ENDOU: variants seen among roughly 807,000 people sequenced by gnomAD.
The protein encoded by ENDOU is endonuclease, poly(U) specific.
In ENDOU, 49 loss-of-function variants were observed where a neutral mutation model predicts 54.2. The observed-to-expected ratio is 0.90, with a 90% CI of 0.72 to 1.15. The LOEUF (loss-of-function observed/expected upper bound fraction) is 1.15, where lower values mean the gene tolerates loss of function less well. Among genes scored for constraint, ENDOU ranks in the 50% most tolerant of loss-of-function variants. ENDOU has a pLI of 0.00. For synonymous variants in ENDOU, 172 were observed against 190.5 expected, an observed-to-expected ratio of 0.90 and a Z score of 0.80; for missense variants, 458 against 511.4, an observed-to-expected ratio of 0.90 and a Z score of 1.01.
Position 47,710,920 on chromosome 12 carries a change from C to T in ENDOU, c.1116-1G>A. 1 of 1,604,288 alleles carries T rather than the reference C, an allele frequency of 6.2e-7. No individual in the cohort carries two copies. Among genetic ancestry groups the T allele is most frequent in the Non-Finnish European group, 8.5e-7 (1 of 1,171,686 alleles). On this transcript the variant is annotated splice_acceptor_variant, in intron 9 of 9. Coordinates refer to ENST00000422538, the MANE Select transcript of ENDOU (RefSeq NM_001172439.2). LOFTEE classifies it high-confidence loss of function. ...ATATCCTCCCAGGCTTAACTGGCAC[C>T]TGTGGGGAAAGAGCCTGAAATCAGA...
chr12:47,715,511 C>T (rs1395049092), intron 6 of ENDOU, among the ~76,000 whole-genome samples: 1 of 152,206 alleles, frequency 6.6e-6, no homozygotes, highest in African/African-American at 2.4e-5. Flanking sequence ...GCAACTTCTT[C>T]ATAGAGTCAC....
intron 2 of ENDOU, 148 bp downstream of exon 2, chr12:47,720,605 T>C: frequency 1.3e-6 from 1 of 768,594 alleles, no homozygotes; most frequent in Non-Finnish European, 1.9e-6. Flanking sequence ...GGTGGCCAAA[T>C]TCCTGACCCT....
chr12:47,721,258 A>T (rs1245711045), intron 1 of ENDOU, among the ~76,000 whole-genome samples: 4 of 152,042 alleles, frequency 2.6e-5, no homozygotes, highest in Non-Finnish European at 5.9e-5. Context: ...GATTGTGGCC[A>T]TGTTGGGATG....
At position 47,716,397 on chromosome 12, in the gene ENDOU, G is replaced by A. The variant is rs1258437664; in HGVS notation, c.654C>T (p.His218=). 2 of 1,614,200 alleles carry A rather than the reference G, an allele frequency of 1.2e-6. No homozygotes were observed. ...GCTCGGCCAGCTCCTGGGCACTGAA[G>A]TGCTCCCCATGGCCTGTTGCCCGCT... ...NYQRATGHGE[H]FSAQELAEQD... is the part of the protein sequence containing the mutation. The change falls in exon 6 of 10, where the codon CAC becomes CAT. Residue 218 remains histidine, a synonymous_variant. Coordinates refer to ENST00000422538, the MANE Select transcript of ENDOU (RefSeq NM_001172439.2).
At chr12:47,715,359 T>C (rs561617305) in intron 6 of ENDOU, among the ~76,000 whole-genome samples, 1 of 152,324 alleles carries the variant, frequency 6.6e-6, no homozygotes, top group South Asian at 2.1e-4. Flanking sequence ...CCAGCTCCGC[T>C]TCCAACTCAT....
In ENDOU at chr12:47,717,063, G is replaced by A. The variant is rs777093153; in HGVS notation, c.383-5C>T. 6.2e-6 allele frequency: 10 copies of A among 1,613,790 alleles called. No homozygotes were observed. The highest frequency in any genetic ancestry group is 8.5e-6 in the Non-Finnish European group (10 of 1,179,892). ...CATCACTGCTGTGGGAGACCTCTGG[G>A]AGGAATTGGAAGAGGGGTGGCCTCA... On this transcript the variant is annotated splice_polypyrimidine_tract_variant and splice_region_variant and intron_variant, in intron 4 of 9. Transcript: ENST00000422538.
intron 6 of ENDOU, 91 bp downstream of exon 6, chr12:47,716,209 C>T (rs1320476090): frequency 3.1e-6 from 4 of 1,271,262 alleles, no homozygotes; most frequent in Admixed American, 1.7e-5. Context: ...CCACCGCCTC[C>T]TCACCTGCCC....
In ENDOU at chr12:47,716,499, T is replaced by C. The variant is rs745507991; in HGVS notation, c.552A>G (p.Pro184=). 5.0e-6 allele frequency: 8 copies of C among 1,612,706 alleles called. No individual in the cohort carries two copies. In the South Asian group the frequency reaches 6.6e-5, roughly 13 times the overall value. The part of the protein sequence containing the change: ...TRNQVDRCPK[P]LFTYVNEKLF... Reference sequence around the variant, plus strand: ...GCTTCTCATTGACATAAGTGAAGAGTCTGGGGGAGGCAGAGGGGAGCCCCA... The same window carrying C: ...GCTTCTCATTGACATAAGTGAAGAGCCTGGGGGAGGCAGAGGGGAGCCCCA... Residue 184 remains proline (P), a splice_region_variant and synonymous_variant, in exon 6 of 10, where the codon CCA becomes CCG. Transcript: ENST00000422538.
At chr12:47,720,470 T>G (rs2136686973) in intron 2 of ENDOU, 2 of 289,572 alleles carry the variant, frequency 6.9e-6, no homozygotes, top group Middle Eastern at 1.9e-3. Context: ...CATTTTACCC[T>G]TTTTTAGAAT....
At chr12:47,722,428 G>T (rs536162432) in intron 1 of ENDOU, among the ~76,000 whole-genome samples, 98 of 152,276 alleles carry the variant, frequency 6.4e-4, no homozygotes, top group African/African-American at 2.2e-3. Context: ...TGTAAAAGTG[G>T]GATGATAATG....
intron 6 of ENDOU, among the ~76,000 whole-genome samples, chr12:47,715,827 ATGT>A (rs1425776982): frequency 2.0e-5 from 3 of 152,088 alleles, no homozygotes; most frequent in African/African-American, 7.2e-5. Flanking sequence ...TGATTCTCTG[ATGT>A]TGTTTCCCCA....
Position 47,710,978 on chromosome 12 carries a change from G to T in ENDOU, c.1116-59C>A, listed in dbSNP as rs1330813888. 7 of 1,193,510 alleles carry T rather than the reference G, an allele frequency of 5.9e-6. No individual in the cohort carries two copies. In the Admixed American group the frequency reaches 1.3e-4, roughly 22 times the overall value. The allele number at this position is 1,193,510 out of a possible 1,614,324, so 73.9% of individuals were successfully genotyped here. A position where few individuals can be genotyped will look rare whatever the true frequency, so the allele number is the denominator to read the frequency against. On this transcript the variant is annotated intron_variant, in intron 9 of 9. Coordinates refer to ENST00000422538, the MANE Select transcript of ENDOU (RefSeq NM_001172439.2). ...CCCACTTCACGCTGCCTCTCCCTGG[G>T]CTGGAAGGATCAAGCCCAACTGAAG...
intron 2 of ENDOU, among the ~76,000 whole-genome samples, chr12:47,718,811 G>T (rs942169840): frequency 6.6e-6 from 1 of 152,044 alleles, no homozygotes; most frequent in Non-Finnish European, 1.5e-5. Context: ...GGGTGATGCA[G>T]GGGGGAGAAA....
chr12:47,718,263 T>C (rs1940327449), intron 2 of ENDOU, 69 bp from the exon 3 acceptor site: 1 of 1,424,264 alleles, frequency 7.0e-7, no homozygotes, highest in South Asian at 1.2e-5. Flanking sequence ...TTTCTGGTTC[T>C]CTGTTTCCCC....
At chr12:47,713,119 C>T (rs114265884) in intron 7 of ENDOU, among the ~76,000 whole-genome samples, 156 bp downstream of exon 7, 4,842 of 152,190 alleles carry the variant, frequency 0.032, 250 homozygotes, top group African/African-American at 0.11. Context: ...GACACCCCCC[C>T]GCCCCCCTGC....
Position 47,710,676 on chromosome 12 carries a change from G to T in ENDOU, c.*126C>A. 2.9e-6 allele frequency: 2 copies of T among 700,564 alleles called. No homozygotes were observed. The highest frequency in any genetic ancestry group is 2.6e-6 in the Non-Finnish European group (1 of 384,416). 43.4% of individuals were successfully genotyped at this position (700,564 alleles called of 1,614,324 possible). A position where few individuals can be genotyped will look rare whatever the true frequency, so the allele number is the denominator to read the frequency against. ...CCCATGTGGGCACTTTGGGATTTAG[G>T]AATGCTTCTCATTGCTTTGAGATTT... On this transcript the variant is annotated 3_prime_UTR_variant, in exon 10 of 10. Coordinates refer to ENST00000422538, the MANE Select transcript of ENDOU (RefSeq NM_001172439.2).
At chr12:47,718,659 A>C (rs923548936) in intron 2 of ENDOU, among the ~76,000 whole-genome samples, 1 of 152,170 alleles carries the variant, frequency 6.6e-6, no homozygotes, top group Non-Finnish European at 1.5e-5. Flanking sequence ...TCTTTGCCCC[A>C]CTTGGAAATG....
rs752410243 is a variant in ENDOU, at chr12:47,717,505, G to A, written c.382+13C>T. 1 of 1,613,494 alleles carries A rather than the reference G, an allele frequency of 6.2e-7. No homozygotes were observed. Among genetic ancestry groups the A allele is most frequent in the Admixed American group, 1.7e-5 (1 of 59,990 alleles). ...CTGTCTCTGCAGCTTAGCTAAGGGA[G>A]CAGAAGACTAACCGTGGTCACTACA... On this transcript the variant is annotated intron_variant, in intron 4 of 9. Coordinates refer to ENST00000422538, the MANE Select transcript of ENDOU (RefSeq NM_001172439.2).
chr12:47,722,894 C>T (rs1206516181), intron 1 of ENDOU, among the ~76,000 whole-genome samples: 3 of 152,208 alleles, frequency 2.0e-5, no homozygotes, highest in Admixed American at 6.5e-5. Context: ...TCCTTCAAGC[C>T]GGCAGGAACT....
Sources: allele counts gnomAD v4.1 joint callset (sites outside exome capture counted in the v4.1 genomes callset), GRCh38; gene constraint gnomAD v4.1.1; transcripts MANE v1.5; gene names NCBI Gene and HGNC (gene_info 2026-07-23, HGNC 2026-07-21).